Variants in PREX2 observed in about 807,000 individuals in gnomAD.
The protein encoded by PREX2 is phosphatidylinositol-3,4,5-trisphosphate dependent Rac exchange factor 2, also known as phosphatidylinositol 3,4,5-trisphosphate-dependent Rac exchanger 2 protein.
PREX2 carries 107 observed loss-of-function variants against 203.2 expected under a neutral mutation model. That is an observed-to-expected ratio of 0.53 (90% confidence interval 0.45 to 0.62). PREX2 has a LOEUF of 0.62. PREX2 is among the 20% of genes least tolerant of loss of function. The probability of loss-of-function intolerance (pLI) is 0.00; values close to 1 mark genes in which losing one functional copy is unlikely to be tolerated. For missense variants in PREX2, 1,777 were observed against 1,955.9 expected (o/e 0.91, Z 1.72); for synonymous variants, 672 against 663.6 (o/e 1.01, Z -0.19).
intron 20 of PREX2, among the ~76,000 whole-genome samples, 155 bp downstream of exon 20, chr8:68,090,870 CATAATTAATT>C: frequency 6.6e-6 from 1 of 152,138 alleles, no homozygotes; most frequent in African/African-American, 2.4e-5. Flanking sequence ...GCTTTATCTG[CATAATTAATT>C]ATAATTGATT....
At chr8:67,984,445 G>T (rs1426722150) in intron 1 of PREX2, among the ~76,000 whole-genome samples, 1 of 152,132 alleles carries the variant, frequency 6.6e-6, no homozygotes, top group African/African-American at 2.4e-5. Context: ...GTATGTTATC[G>T]CAGTGTCATG....
intron 1 of PREX2, among the ~76,000 whole-genome samples, chr8:68,014,146 T>A (rs964092712): frequency 1.3e-5 from 2 of 152,206 alleles, no homozygotes; most frequent in Non-Finnish European, 2.9e-5. Flanking sequence ...CAGACACGGA[T>A]AAAGGAGATT....
intron 25 of PREX2, 145 bp downstream of exon 25, chr8:68,109,768 C>A: frequency 1.5e-6 from 1 of 660,190 alleles, no homozygotes; most frequent in Non-Finnish European, 2.6e-6. Context: ...ATTCCAAAAC[C>A]TTAAAAATGT....
At chr8:68,224,490 A>T (rs1813017453) in intron 38 of PREX2, 69 bp from the exon 39 acceptor site, 3 of 1,206,958 alleles carry the variant, frequency 2.5e-6, no homozygotes, top group Non-Finnish European at 3.7e-6. Context: ...TCCTACACAC[A>T]AATGTTAATG....
chr8:68,106,293 A>C (rs1810409559), intron 23 of PREX2: 1 of 507,912 alleles, frequency 2.0e-6, no homozygotes, highest in Non-Finnish European at 3.9e-6. Context: ...TTTTGACTGA[A>C]AGTTTTTTGC....
chr8:67,995,051 CA>C (rs1806724855), intron 1 of PREX2, among the ~76,000 whole-genome samples: 1 of 152,058 alleles, frequency 6.6e-6, no homozygotes, highest in Non-Finnish European at 1.5e-5. Context: ...CTCTCTTCCA[CA>C]GTATTGTTCT....
At position 68,081,759 on chromosome 8, in the gene PREX2, A is replaced by T. The variant is rs145646003; in HGVS notation, c.1878+921A>T. On this transcript the variant is annotated intron_variant, in intron 17 of 39. Coordinates refer to ENST00000288368, the MANE Select transcript of PREX2 (RefSeq NM_024870.4). Reference sequence around the variant, plus strand: ...GCCCAGGCTAGAGTCCAGTGGCATGATCTCGGCTCACTGCAACCTCTGCCT... The same window carrying T: ...GCCCAGGCTAGAGTCCAGTGGCATGTTCTCGGCTCACTGCAACCTCTGCCT... 9.3e-3 allele frequency among the ~76,000 whole-genome samples: 1,415 copies of T among 152,012 alleles called. 34 individuals are homozygous for T. The highest frequency in any genetic ancestry group is 0.032 in the African/African-American group (1,341 of 41,450).
intron 31 of PREX2, among the ~76,000 whole-genome samples, chr8:68,129,590 A>C (rs1040200133): frequency 4.4e-4 from 67 of 152,122 alleles, no homozygotes; most frequent in African/African-American, 1.6e-3. Context: ...TTTTCCCTGC[A>C]ATCTCTGTGC....
chr8:68,047,770 A>G (rs1418021589), intron 8 of PREX2, among the ~76,000 whole-genome samples: 1 of 151,610 alleles, frequency 6.6e-6, no homozygotes, highest in African/African-American at 2.4e-5. Context: ...TCTATACTCT[A>G]TGTATGATAA....
intron 25 of PREX2, among the ~76,000 whole-genome samples, chr8:68,110,710 C>T (rs376242393): frequency 1.3e-5 from 2 of 152,052 alleles, no homozygotes; most frequent in East Asian, 1.9e-4. Flanking sequence ...AGACATTATA[C>T]GGATGAAGTC....
chr8:68,145,809 A>G (rs560118836), intron 33 of PREX2, among the ~76,000 whole-genome samples: 1 of 152,228 alleles, frequency 6.6e-6, no homozygotes, highest in East Asian at 1.9e-4. Flanking sequence ...AGTGGTTGCT[A>G]TGTACTCAAT....
chr8:68,047,513 A>C (rs1056844329), intron 8 of PREX2, among the ~76,000 whole-genome samples: 1 of 101,712 alleles, frequency 9.8e-6, no homozygotes, highest in Non-Finnish European at 1.8e-5. Context: ...ATATACACAT[A>C]CATATATATA....
intron 1 of PREX2, among the ~76,000 whole-genome samples, chr8:67,989,917 T>C (rs554019914): frequency 6.6e-6 from 1 of 152,354 alleles, no homozygotes; most frequent in African/African-American, 2.4e-5. Context: ...TATTTTCTGC[T>C]AGATGGACCA....
intron 24 of PREX2, 41 bp downstream of exon 24, chr8:68,108,372 A>G: frequency 1.4e-6 from 2 of 1,468,790 alleles, no homozygotes; most frequent in Non-Finnish European, 1.9e-6. Context: ...ATGAAAAGCA[A>G]TTTAGGCAAT....
At chr8:68,042,926 A>G (rs941108176) in intron 7 of PREX2, among the ~76,000 whole-genome samples, 1 of 152,132 alleles carries the variant, frequency 6.6e-6, no homozygotes. Context: ...GAACTAAGTG[A>G]TGGATTCTTA....
intron 1 of PREX2, among the ~76,000 whole-genome samples, chr8:67,966,011 G>T (rs1805765575): frequency 6.6e-6 from 1 of 152,078 alleles, no homozygotes; most frequent in Admixed American, 6.6e-5. Flanking sequence ...AATATTCTTT[G>T]TGATTTAAGA....
intron 1 of PREX2, among the ~76,000 whole-genome samples, chr8:67,998,257 G>T (rs535788639): frequency 6.6e-6 from 1 of 152,282 alleles, no homozygotes; most frequent in Admixed American, 6.5e-5. Context: ...GTCTCAGAAG[G>T]ATGCCTCTAA....
chr8:67,961,795 T>A (rs1805640756), intron 1 of PREX2, among the ~76,000 whole-genome samples: 1 of 152,238 alleles, frequency 6.6e-6, no homozygotes. Flanking sequence ...ATAAATTTGT[T>A]GTATAGCCTT....
chr8:68,057,645 C>T (rs150411497), intron 10 of PREX2, among the ~76,000 whole-genome samples: 80 of 152,226 alleles, frequency 5.3e-4, no homozygotes, highest in African/African-American at 1.7e-3. Context: ...TGCAGCAAAA[C>T]GACAGTATCT....
Sources: gnomAD v4.1 joint callset for allele counts (sites outside exome capture counted in the v4.1 genomes callset) on GRCh38, gnomAD v4.1.1 for gene constraint, MANE v1.5 for transcripts, NCBI Gene and HGNC (gene_info 2026-07-23, HGNC 2026-07-21) for gene names.